The following PDE10A variants were observed in gnomAD, a reference collection of about 807,000 sequenced individuals.
PDE10A encodes the protein phosphodiesterase 10A, also known as cAMP and cAMP-inhibited cGMP 3',5'-cyclic phosphodiesterase 10A.
A neutral mutation model predicts 97.7 loss-of-function variants in PDE10A; 39 were observed. That is an observed-to-expected ratio of 0.40 (90% confidence interval 0.31 to 0.52). The LOEUF is 0.52. Among genes scored for constraint, PDE10A ranks in the 20% least tolerant of loss-of-function variants. PDE10A has a pLI of 0.56. For synonymous variants in PDE10A, 371 were observed against 376.8 expected, an observed-to-expected ratio of 0.98 and a Z score of 0.18; for missense variants, 731 against 1,047.8, an observed-to-expected ratio of 0.70 and a Z score of 4.17.
intron 1 of PDE10A, among the ~76,000 whole-genome samples, chr6:165,565,312 A>G (rs1375976187): frequency 1.3e-5 from 2 of 152,200 alleles, no homozygotes; most frequent in Non-Finnish European, 2.9e-5. Context: ...AGGAATGAAC[A>G]AGTAGATTTT....
At chr6:165,554,396 A>G (rs140425942) in intron 1 of PDE10A, among the ~76,000 whole-genome samples, 208 of 152,328 alleles carry the variant, frequency 1.4e-3, no homozygotes, top group Non-Finnish European at 2.5e-3. Context: ...CAAATGGCAA[A>G]CAGGAATATG....
chr6:165,949,896 A>T (rs1404571743), intron 1 of PDE10A: 1 of 152,220 alleles, frequency 6.6e-6, no homozygotes, highest in Non-Finnish European at 1.5e-5. Flanking sequence ...TTTGTTGATG[A>T]TAGGAAGTAA....
chr6:165,531,203 T>C (rs1218732087), intron 2 of PDE10A, among the ~76,000 whole-genome samples: 2 of 152,090 alleles, frequency 1.3e-5, no homozygotes, highest in East Asian at 3.9e-4. Flanking sequence ...TTAGCACTTG[T>C]ATAACTGATT....
intron 1 of PDE10A, among the ~76,000 whole-genome samples, chr6:165,869,586 G>GA (rs1275128649): frequency 1.3e-5 from 2 of 152,022 alleles, no homozygotes; most frequent in African/African-American, 4.8e-5. Flanking sequence ...TGCAGAAATG[G>GA]AAAAAGTAAT....
chr6:165,555,737 G>T (rs6938249), intron 1 of PDE10A, among the ~76,000 whole-genome samples: 14,900 of 152,112 alleles, frequency 0.098, 1,361 homozygotes, highest in East Asian at 0.33. Context: ...TTAACTGGAA[G>T]GTGTACCCAC....
In PDE10A at chr6:165,732,598, C is replaced by G. The variant is rs561386829; in HGVS notation, c.-614-189030G>C. ...ATTGAGTGAGCAGGCCAGTCCATCTCTAACCATGTCATTAACATGAGTGGG... is the reference window on the plus strand; with the variant it reads ...ATTGAGTGAGCAGGCCAGTCCATCTGTAACCATGTCATTAACATGAGTGGG... On this transcript the variant is annotated intron_variant, in intron 1 of 19. Transcript: ENST00000366882. 2.6e-5 allele frequency among the ~76,000 whole-genome samples: 4 copies of G among 152,372 alleles called. No homozygotes were observed. The South Asian group carries it at 8.3e-4, about 32-fold the overall frequency.
chr6:165,577,500 A>G (rs1467356816), intron 1 of PDE10A, among the ~76,000 whole-genome samples: 2 of 152,120 alleles, frequency 1.3e-5, no homozygotes, highest in African/African-American at 4.8e-5. Flanking sequence ...AATGGGCTAT[A>G]AAGGCCCCAC....
At chr6:165,981,598 T>C (rs1223332302) in intron 1 of PDE10A, among the ~76,000 whole-genome samples, 1 of 152,210 alleles carries the variant, frequency 6.6e-6, no homozygotes, top group East Asian at 1.9e-4. Context: ...TGAGCTCCTT[T>C]TCTCCTCAAA....
chr6:165,475,571 A>C (rs549435170), intron 3 of PDE10A, among the ~76,000 whole-genome samples: 48 of 152,312 alleles, frequency 3.2e-4, no homozygotes, highest in Non-Finnish European at 5.9e-4. Flanking sequence ...CTCCTTCCCA[A>C]GAAAATTACA....
At chr6:165,861,010 C>A (rs750412427) in intron 1 of PDE10A, among the ~76,000 whole-genome samples, 1 of 152,206 alleles carries the variant, frequency 6.6e-6, no homozygotes, top group South Asian at 2.1e-4. Context: ...TTCATTCACT[C>A]AACACATGTT....
intron 1 of PDE10A, among the ~76,000 whole-genome samples, chr6:165,960,198 T>C (rs2128498035): frequency 6.6e-6 from 1 of 152,112 alleles, no homozygotes; most frequent in South Asian, 2.1e-4. Context: ...AAGATCATAG[T>C]AAAGAAAACT....
At chr6:165,682,134 A>G (rs906189796) in intron 1 of PDE10A, among the ~76,000 whole-genome samples, 6 of 152,020 alleles carry the variant, frequency 3.9e-5, no homozygotes, top group Admixed American at 3.3e-4. Context: ...CCAAATTTAT[A>G]TCTTGTTGTC....
intron 18 of PDE10A, among the ~76,000 whole-genome samples, chr6:165,372,567 T>G (rs183430562): frequency 0.079 from 11,704 of 149,056 alleles, 525 homozygotes; most frequent in Middle Eastern, 0.19. Flanking sequence ...CACTGCTCAA[T>G]GAAATAAAAG....
intron 1 of PDE10A, among the ~76,000 whole-genome samples, chr6:165,608,668 A>G (rs1219324830): frequency 6.6e-6 from 1 of 152,112 alleles, no homozygotes; most frequent in Non-Finnish European, 1.5e-5. Flanking sequence ...CTAGTTCTAG[A>G]TCCCTGAGGA....
At chr6:165,933,262 G>A (rs80070446) in intron 1 of PDE10A, among the ~76,000 whole-genome samples, 6,638 of 152,196 alleles carry the variant, frequency 0.044, 203 homozygotes, top group Non-Finnish European at 0.061. Flanking sequence ...GTGAAACATC[G>A]CAGTTTCCAG....
At chr6:165,788,083 T>C (rs1778542236) in intron 1 of PDE10A, among the ~76,000 whole-genome samples, 2 of 152,204 alleles carry the variant, frequency 1.3e-5, no homozygotes, top group South Asian at 2.1e-4. Context: ...ATCCTTGCTA[T>C]ATTAACTGAA....
At chr6:165,820,708 G>A (rs575165148) in intron 1 of PDE10A, among the ~76,000 whole-genome samples, 10 of 152,278 alleles carry the variant, frequency 6.6e-5, no homozygotes, top group Middle Eastern at 3.4e-3. Context: ...ATGAAGACAC[G>A]CACTTCCCTT....
chr6:165,959,077 C>T (rs1784281698), intron 1 of PDE10A, among the ~76,000 whole-genome samples: 2 of 152,288 alleles, frequency 1.3e-5, no homozygotes, highest in South Asian at 4.1e-4. Flanking sequence ...TAATGGGGCT[C>T]GGTTTCCTTC....
At chr6:165,400,404 G>A (rs1384978043) in intron 13 of PDE10A, among the ~76,000 whole-genome samples, 1 of 152,050 alleles carries the variant, frequency 6.6e-6, no homozygotes, top group Non-Finnish European at 1.5e-5. Context: ...GAAAAGACAA[G>A]CCAAAGACTG....
Sources: allele counts gnomAD v4.1 joint callset (sites outside exome capture counted in the v4.1 genomes callset), GRCh38; gene constraint gnomAD v4.1.1; transcripts MANE v1.5; gene names NCBI Gene and HGNC (gene_info 2026-07-23, HGNC 2026-07-21).